Variants in HIVEP1 observed in about 807,000 individuals in gnomAD.
HIVEP1 encodes zinc finger protein 40.
In HIVEP1, 36 loss-of-function variants were observed where a neutral mutation model predicts 180.0. That is an observed-to-expected ratio of 0.20 (90% CI 0.15 to 0.26). HIVEP1 has a LOEUF of 0.26. Among genes scored for constraint, HIVEP1 ranks in the 10% least tolerant of loss-of-function variants. The pLI, the probability that HIVEP1 is intolerant of heterozygous loss-of-function variation, is 1.00. For synonymous variants in HIVEP1, 1,239 were observed against 1,239.0 expected (o/e 1.00, Z 0.00); for missense variants, 3,143 against 3,268.7 (o/e 0.96, Z 0.94).
intron 1 of HIVEP1, among the ~76,000 whole-genome samples, chr6:12,013,771 T>C (rs1411060696): frequency 6.6e-6 from 1 of 152,240 alleles, no homozygotes. Context: ...TGAGAAACCC[T>C]ATCTTTTATA....
In HIVEP1 at chr6:12,126,786, C is replaced by T. The variant is rs541213157; in HGVS notation, c.6075+916C>T. On this transcript the variant is annotated intron_variant, in intron 4 of 8. Transcript: ENST00000379388. ...AAGAGAGAAGAATTCAGCAAACATA[C>T]TCCAAAGGTGGTGATACTTTAGCTA... Among the ~76,000 whole-genome samples, 67 of 152,262 alleles carry T rather than the reference C, an allele frequency of 4.4e-4. 1 individual carries two copies. The highest frequency in any genetic ancestry group is 4.6e-4 in the Non-Finnish European group (31 of 68,014).
At chr6:12,075,254 A>C (rs1370760805) in intron 2 of HIVEP1, among the ~76,000 whole-genome samples, 1 of 152,206 alleles carries the variant, frequency 6.6e-6, no homozygotes, top group Non-Finnish European at 1.5e-5. Context: ...TCAGATTCTT[A>C]AAGGGGAGGT....
intron 3 of HIVEP1, among the ~76,000 whole-genome samples, chr6:12,107,079 A>AT (rs1410932546): frequency 1.3e-5 from 2 of 152,178 alleles, no homozygotes; most frequent in Non-Finnish European, 2.9e-5. Context: ...TTGTTTTAAA[A>AT]TTTAAGTAGC....
chr6:12,106,566 T>C (rs890866476), intron 3 of HIVEP1, among the ~76,000 whole-genome samples: 1 of 152,172 alleles, frequency 6.6e-6, no homozygotes, highest in Non-Finnish European at 1.5e-5. Context: ...AAGACTGATA[T>C]TTGTGTGTTT....
At chr6:12,054,418 A>G (rs1008720821) in intron 2 of HIVEP1, among the ~76,000 whole-genome samples, 4 of 152,218 alleles carry the variant, frequency 2.6e-5, no homozygotes, top group African/African-American at 9.6e-5. Context: ...ATATGTATAC[A>G]TATGGATATA....
chr6:12,017,550 G>C (rs1033306456), intron 2 of HIVEP1, among the ~76,000 whole-genome samples: 15 of 152,262 alleles, frequency 9.9e-5, no homozygotes, highest in African/African-American at 2.6e-4. Context: ...TGCTGCCTCC[G>C]GCAGCCTGCT....
chr6:12,160,511 A>G (rs1050862990), intron 7 of HIVEP1, among the ~76,000 whole-genome samples: 6 of 152,236 alleles, frequency 3.9e-5, no homozygotes, highest in African/African-American at 1.2e-4. Context: ...GTGTGGTTGA[A>G]AGAGTTGACT....
rs1757762353 is a variant in HIVEP1, at chr6:12,122,776, T to C, written c.2981T>C (p.Met994Thr). ...CATGGACCAAAAACAAAGGTAGCCA[T>C]GAGAGAACCTGAGCACAGCCCTGTG... is the stretch of plus-strand genomic sequence containing the variant. Reference protein sequence around the residue: ...ELHGPKTKVAMREPEHSPVPG... With the variant: ...ELHGPKTKVATREPEHSPVPG... Residue 994 changes from methionine to threonine, a missense_variant, in exon 4 of 9, where the codon ATG becomes ACG. Around this residue, in one of 12 missense-constraint regions of HIVEP1, gnomAD observed 204 missense variants for 243.7 expected, o/e 0.84. Transcript: ENST00000379388. The C allele has an allele frequency of 6.2e-7, 1 of 1,612,188 alleles. No homozygotes were observed. Among genetic ancestry groups the C allele is most frequent in the Admixed American group, 1.7e-5 (1 of 59,478 alleles).
At chr6:12,115,598 G>A (rs913805293) in intron 3 of HIVEP1, among the ~76,000 whole-genome samples, 1 of 151,804 alleles carries the variant, frequency 6.6e-6, no homozygotes, top group African/African-American at 2.4e-5. Context: ...AGTCATTACC[G>A]GTAGCACACT....
Position 12,119,986 on chromosome 6 carries a change from A to T in HIVEP1, c.191A>T (p.Lys64Ile), listed in dbSNP as rs757291465. Residue 64 changes from lysine to isoleucine, a missense_variant, in exon 4 of 9, where the codon AAA becomes ATA. Lys to Ile is a moderately radical substitution (Grantham distance 102). Coordinates refer to ENST00000379388, the MANE Select transcript of HIVEP1 (RefSeq NM_002114.4). Reference protein sequence around the residue: ...VAENHLKKIPKSPLRNPLQAK... With the variant: ...VAENHLKKIPISPLRNPLQAK... The stretch of plus-strand genomic sequence containing the variant: ...GAGAATCACCTGAAAAAAATACCAA[A>T]ATCCCCACTGAGAAATCCTCTTCAG... 2.5e-6 allele frequency: 4 copies of T among 1,612,300 alleles called. No individual in the cohort carries two copies. Among genetic ancestry groups the T allele is most frequent in the Non-Finnish European group, 3.4e-6 (4 of 1,179,610 alleles).
intron 7 of HIVEP1, among the ~76,000 whole-genome samples, chr6:12,153,270 G>A (rs1344398853): frequency 6.6e-6 from 1 of 152,158 alleles, no homozygotes; most frequent in Non-Finnish European, 1.5e-5. Context: ...TGATGATTCT[G>A]TAGTTAGATT....
intron 2 of HIVEP1, among the ~76,000 whole-genome samples, chr6:12,027,613 A>G (rs1768669811): frequency 6.6e-6 from 1 of 152,206 alleles, no homozygotes. Flanking sequence ...AATGCTGTAC[A>G]TGAAACGTCT....
At chr6:12,081,496 C>T (rs772139850) in intron 2 of HIVEP1, among the ~76,000 whole-genome samples, 1 of 152,094 alleles carries the variant, frequency 6.6e-6, no homozygotes, top group Non-Finnish European at 1.5e-5. Flanking sequence ...TTTCCTTTCA[C>T]CTAACATTCC....
chr6:12,131,033 A>G (rs1211373203), intron 6 of HIVEP1, 91 bp downstream of exon 6: 5 of 844,452 alleles, frequency 5.9e-6, no homozygotes, highest in African/African-American at 1.7e-5. Context: ...GACCGATGAA[A>G]TAGCAGCTTA....
chr6:12,104,249 A>C (rs1232692756), intron 3 of HIVEP1, among the ~76,000 whole-genome samples: 2 of 151,816 alleles, frequency 1.3e-5, no homozygotes, highest in East Asian at 3.9e-4. Flanking sequence ...ATCTCCTTAC[A>C]TATTGCCTCT....
intron 2 of HIVEP1, among the ~76,000 whole-genome samples, chr6:12,049,561 A>G (rs1399244783): frequency 6.6e-6 from 1 of 152,190 alleles, no homozygotes; most frequent in East Asian, 1.9e-4. Context: ...GCTCTTAGAT[A>G]TTTAGATTTT....
At chr6:12,147,283 C>T (rs1759432740) in intron 7 of HIVEP1, among the ~76,000 whole-genome samples, 1 of 152,198 alleles carries the variant, frequency 6.6e-6, no homozygotes, top group African/African-American at 2.4e-5. Context: ...CATGTTCTGA[C>T]ACTTGAAAAC....
chr6:12,085,572 C>T (rs1773066840), intron 2 of HIVEP1, among the ~76,000 whole-genome samples: 1 of 152,082 alleles, frequency 6.6e-6, no homozygotes, highest in African/African-American at 2.4e-5. Flanking sequence ...TGTAACTGTT[C>T]ACATTAGACC....
rs1757961967 is a variant in HIVEP1 at position 12,124,895 on chromosome 6, A to G, written c.5100A>G (p.Pro1700=). The G allele has an allele frequency of 1.2e-6, 2 of 1,613,988 alleles. No individual in the cohort carries two copies. The highest frequency in any genetic ancestry group is 1.7e-6 in the Non-Finnish European group (2 of 1,180,022). ...QKGHQNALPN[P]EKEFLCENVF... ...GTCATCAGAATGCTTTGCCAAACCC[A>G]GAGAAGGAATTTCTATGTGAAAATG... is the stretch of plus-strand genomic sequence containing the variant. Residue 1700 remains proline (P), a synonymous_variant, in exon 4 of 9, where the codon CCA becomes CCG. Transcript: ENST00000379388.
Sources: allele counts gnomAD v4.1 joint callset (sites outside exome capture counted in the v4.1 genomes callset), GRCh38; gene constraint gnomAD v4.1.1; regional missense constraint gnomAD v4.1.1; transcripts MANE v1.5; gene names NCBI Gene and HGNC (gene_info 2026-07-23, HGNC 2026-07-21).